Variants in ATG13 observed in about 807,000 individuals in gnomAD.
The protein encoded by ATG13 is autophagy-related protein 13.
In ATG13, 23 loss-of-function variants were observed where a neutral mutation model predicts 65.5. The observed-to-expected ratio is 0.35, with a 90% CI of 0.25 to 0.50. ATG13 has a LOEUF of 0.50. Ranked by LOEUF, ATG13 falls within the 20% of genes least tolerant of loss-of-function variation. ATG13 has a pLI of 0.98. For synonymous variants in ATG13, 252 were observed against 245.2 expected, an observed-to-expected ratio of 1.03 and a Z score of -0.26; for missense variants, 566 against 677.0, an observed-to-expected ratio of 0.84 and a Z score of 1.82.
chr11:46,623,288 C>T (rs749755462), intron 1 of ATG13, among the ~76,000 whole-genome samples: 23 of 151,804 alleles, frequency 1.5e-4, no homozygotes, highest in Admixed American at 7.2e-4. Flanking sequence ...AGCAAGACCC[C>T]GTCTCAAAGA....
chr11:46,622,213 G>A (rs970971739), intron 1 of ATG13, among the ~76,000 whole-genome samples: 2 of 149,088 alleles, frequency 1.3e-5, no homozygotes, highest in African/African-American at 4.9e-5. Flanking sequence ...CACCTCCCAG[G>A]TTCAAGCGAT....
chr11:46,619,896 T>G (rs192927067), intron 1 of ATG13, among the ~76,000 whole-genome samples: 2 of 150,944 alleles, frequency 1.3e-5, no homozygotes, highest in Non-Finnish European at 3.0e-5. Flanking sequence ...GGACGTAGTG[T>G]TGGGCGCCTG....
At chr11:46,637,379 A>G (rs1323274304) in intron 2 of ATG13, among the ~76,000 whole-genome samples, 18 of 152,102 alleles carry the variant, frequency 1.2e-4, no homozygotes, top group Admixed American at 1.2e-3. Flanking sequence ...GCAAAAATGT[A>G]TTTTCTTTTC....
intron 17 of ATG13, among the ~76,000 whole-genome samples, 172 bp downstream of exon 17, chr11:46,669,082 C>T (rs2063100151): frequency 6.6e-6 from 1 of 152,192 alleles, no homozygotes; most frequent in Admixed American, 6.5e-5. Flanking sequence ...CGATAAACAA[C>T]AAGGCATTTT....
intron 11 of ATG13, 49 bp from the exon 12 acceptor site, chr11:46,663,945 CTTT>C (rs953835564): frequency 6.8e-3 from 5,150 of 752,456 alleles, no homozygotes; most frequent in Middle Eastern, 9.2e-3. Context: ...AGTCCCTTTT[CTTT>C]TTTTTTTTTT....
At chr11:46,636,261 T>C (rs2053910124) in intron 2 of ATG13, among the ~76,000 whole-genome samples, 3 of 152,066 alleles carry the variant, frequency 2.0e-5, no homozygotes, top group Admixed American at 6.6e-5. Context: ...TGTTTAGATA[T>C]CCCTATCCTG....
intron 1 of ATG13, among the ~76,000 whole-genome samples, chr11:46,619,372 CTTTTTTTTTT>C (rs746642470): frequency 6.8e-4 from 24 of 35,326 alleles, no homozygotes; most frequent in African/African-American, 2.8e-3. Flanking sequence ...AGATTTCTTG[CTTTTTTTTTT>C]TTTTTTTTTT....
intron 5 of ATG13, 58 bp from the exon 6 acceptor site, chr11:46,649,079 T>C (rs1339141194): frequency 8.9e-6 from 13 of 1,465,086 alleles, no homozygotes; most frequent in Non-Finnish European, 1.0e-5. Context: ...ATAGTGACTG[T>C]AATGCTTTGA....
Position 46,672,942 on chromosome 11 carries a change from C to T in ATG13, c.*610C>T, listed in dbSNP as rs565838987. ...ACCCAAGATCAGAACTCCAAAACCACTCCCACCCCTGAAGGTCGGGAGGGT... is the reference window on the plus strand; with the variant it reads ...ACCCAAGATCAGAACTCCAAAACCATTCCCACCCCTGAAGGTCGGGAGGGT... On this transcript the variant is annotated 3_prime_UTR_variant, in exon 19 of 19. Transcript: ENST00000683050. The T allele has an allele frequency of 1.3e-4, 78 of 616,740 alleles. 1 individual carries two copies. The South Asian group carries it at 1.5e-3, about 12-fold the overall frequency. The allele number at this position is 616,740 out of a possible 1,614,324, so 38.2% of individuals were successfully genotyped here.
Position 46,668,527 on chromosome 11 carries a change from T to C in ATG13, c.1280T>C (p.Phe427Ser). 1.2e-6 allele frequency: 2 copies of C among 1,614,194 alleles called. No individual in the cohort carries two copies. Among genetic ancestry groups the C allele is most frequent in the Non-Finnish European group, 1.7e-6 (2 of 1,180,016 alleles). Residue 427 changes from phenylalanine to serine, a missense_variant, in exon 16 of 19, where the codon TTT (phenylalanine) becomes TCT (serine). Physicochemically the swap from Phe to Ser is radical, Grantham distance 155. Around this residue, in one of 2 missense-constraint regions of ATG13, gnomAD observed 387 missense variants for 409.8 expected, o/e 0.94. Transcript: ENST00000683050. ...QVTLTSLDIP[F>S]AMFAPKNLEL... The stretch of plus-strand genomic sequence containing the variant: ...ACCCTGACGAGTTTGGATATACCCT[T>C]TGCCATGTTTGCTCCCAAGAATTTG...
intron 18 of ATG13, among the ~76,000 whole-genome samples, chr11:46,670,696 T>C (rs1470172317): frequency 6.6e-6 from 1 of 151,892 alleles, no homozygotes; most frequent in Non-Finnish European, 1.5e-5. Flanking sequence ...TAGTTCCAGC[T>C]GCCTTGGGAG....
At chr11:46,649,914 A>G (rs1173756105) in intron 6 of ATG13, among the ~76,000 whole-genome samples, 1 of 152,050 alleles carries the variant, frequency 6.6e-6, no homozygotes, top group African/African-American at 2.4e-5. Context: ...TTATTTATTT[A>G]TATGTTTTCA....
chr11:46,657,331 C>A, intron 9 of ATG13, 140 bp downstream of exon 9: 1 of 949,474 alleles, frequency 1.1e-6, no homozygotes, highest in Non-Finnish European at 1.6e-6. Flanking sequence ...GTGCAGTTGC[C>A]AGATTGGAGA....
At chr11:46,643,631 A>G (rs1173839927) in intron 2 of ATG13, among the ~76,000 whole-genome samples, 1 of 120,658 alleles carries the variant, frequency 8.3e-6, no homozygotes, top group East Asian at 2.2e-4. Context: ...TTTTTTTTTT[A>G]AATGAGACCG....
chr11:46,632,107 C>G (rs1038879357), intron 2 of ATG13, among the ~76,000 whole-genome samples: 2 of 152,052 alleles, frequency 1.3e-5, no homozygotes, highest in African/African-American at 4.8e-5. Flanking sequence ...ACAAGAAAAC[C>G]TATAAGTATC....
intron 1 of ATG13, among the ~76,000 whole-genome samples, chr11:46,629,339 C>G (rs1211383501): frequency 1.3e-5 from 2 of 152,116 alleles, no homozygotes; most frequent in African/African-American, 4.8e-5. Context: ...TTTGTGTGCG[C>G]TTTCACTTTG....
chr11:46,663,200 A>G (rs1349821330), intron 11 of ATG13, among the ~76,000 whole-genome samples: 3 of 146,898 alleles, frequency 2.0e-5, no homozygotes, highest in African/African-American at 7.6e-5. Context: ...TGGGAGGTGG[A>G]CATTGCAGTG....
chr11:46,672,423 G>A lies in ATG13; in HGVS notation c.*91G>A, dbSNP rs2063974464. 1.9e-6 allele frequency: 3 copies of A among 1,603,332 alleles called. No individual in the cohort carries two copies. Among genetic ancestry groups the A allele is most frequent in the Non-Finnish European group, 2.6e-6 (3 of 1,173,816 alleles). On this transcript the variant is annotated 3_prime_UTR_variant, in exon 19 of 19. Transcript: ENST00000683050. ...ATCAGCTGCTCCCACCCCTCATCCT[G>A]CTCTGAGCCAGGTGGAAGGGAGGCT... is the stretch of plus-strand genomic sequence containing the variant.
chr11:46,656,928 T>TACACACACAC (rs144572744), intron 8 of ATG13, 167 bp from the exon 9 acceptor site: 5 of 578,722 alleles, frequency 8.6e-6, no homozygotes, highest in Admixed American at 2.8e-5. Flanking sequence ...TACACGCACA[T>TACACACACAC]ACACACACAC....
Sources: allele counts gnomAD v4.1 joint callset (sites outside exome capture counted in the v4.1 genomes callset), GRCh38; gene constraint gnomAD v4.1.1; regional missense constraint gnomAD v4.1.1; transcripts MANE v1.5; gene names NCBI Gene and HGNC (gene_info 2026-07-23, HGNC 2026-07-21).